Variants in ZNF385D observed in about 807,000 individuals in gnomAD.
ZNF385D encodes the protein zinc finger protein 385D.
A neutral mutation model predicts 35.8 loss-of-function variants in ZNF385D; 15 were observed. The ratio of observed to expected loss-of-function variants is 0.42; its 90% CI spans 0.28 to 0.64. ZNF385D has a LOEUF of 0.64. ZNF385D is among the 30% of genes least tolerant of loss of function. The pLI is 0.23. For synonymous variants in ZNF385D, 212 were observed against 186.8 expected (o/e 1.13, Z -1.10); for missense variants, 474 against 494.6 (o/e 0.96, Z 0.39).
chr3:22,187,253 CATTT>C (rs1461959507), intron 2 of ZNF385D, among the ~76,000 whole-genome samples: 1 of 152,148 alleles, frequency 6.6e-6, no homozygotes. Flanking sequence ...ACACTGCAGT[CATTT>C]ATTTAATCGA....
In ZNF385D at chr3:21,636,378, T is replaced by TTATATATATATATA. The variant is rs1183440640; in HGVS notation, c.165+28494_165+28507dup. Among the ~76,000 whole-genome samples the TTATATATATATATA allele has an allele frequency of 8.8e-4, 42 of 47,986 alleles. 1 individual carries two copies. Among genetic ancestry groups the TTATATATATATATA allele is most frequent in the African/African-American group, 3.1e-3 (34 of 11,110 alleles). 31.5% of individuals were successfully genotyped at this position (47,986 alleles called of 152,430 possible). ...ATTATATATGATTATATATATATGA[T>TTATATATATATATA]TATATATATATATATATATATATAT... On this transcript the variant is annotated intron_variant, in intron 2 of 7. Coordinates refer to ENST00000281523, the MANE Select transcript of ZNF385D (RefSeq NM_024697.3).
At chr3:21,931,850 T>C (rs1052085851) in intron 3 of ZNF385D, among the ~76,000 whole-genome samples, 8 of 152,024 alleles carry the variant, frequency 5.3e-5, no homozygotes, top group Non-Finnish European at 1.5e-5. Flanking sequence ...AAATTTCAAC[T>C]CAATAATGGT....
At chr3:21,702,025 T>G (rs1301030228) in intron 1 of ZNF385D, among the ~76,000 whole-genome samples, 2 of 152,128 alleles carry the variant, frequency 1.3e-5, no homozygotes, top group Non-Finnish European at 2.9e-5. Context: ...TATGCCATTC[T>G]CGGATCTGGA....
At chr3:22,312,519 T>C (rs1703620679) in intron 2 of ZNF385D, among the ~76,000 whole-genome samples, 1 of 151,856 alleles carries the variant, frequency 6.6e-6, no homozygotes, top group African/African-American at 2.4e-5. Flanking sequence ...AAAGGGCTAA[T>C]ATCCAGAATC....
At chr3:22,000,907 T>A (rs1369439427) in intron 3 of ZNF385D, among the ~76,000 whole-genome samples, 1 of 151,992 alleles carries the variant, frequency 6.6e-6, no homozygotes, top group Non-Finnish European at 1.5e-5. Flanking sequence ...AAGGGAGTTT[T>A]TTTTTTTCTA....
intron 3 of ZNF385D, among the ~76,000 whole-genome samples, chr3:22,131,779 C>G (rs62248882): frequency 0.21 from 31,326 of 151,980 alleles, 3,543 homozygotes; most frequent in Non-Finnish European, 0.27. Context: ...AGAGTTATCT[C>G]CTGAGAATAC....
At chr3:21,833,637 C>G (rs1298697600) in intron 3 of ZNF385D, among the ~76,000 whole-genome samples, 1 of 152,126 alleles carries the variant, frequency 6.6e-6, no homozygotes, top group East Asian at 1.9e-4. Context: ...TTAAGACGTT[C>G]ACTTTGGAAT....
intron 2 of ZNF385D, among the ~76,000 whole-genome samples, chr3:22,241,698 C>T (rs185890134): frequency 8.0e-5 from 12 of 150,804 alleles, no homozygotes; most frequent in South Asian, 6.5e-4. Flanking sequence ...GGCAAGAATG[C>T]TTGAATGCTT....
At chr3:21,569,921 C>T (rs1461117013) in intron 2 of ZNF385D, among the ~76,000 whole-genome samples, 3 of 23,666 alleles carry the variant, frequency 1.3e-4, no homozygotes, top group African/African-American at 2.4e-4. Context: ...GGTGGGGGGG[C>T]AGGGAGGGAT....
intron 2 of ZNF385D, among the ~76,000 whole-genome samples, chr3:22,357,139 G>T (rs1696191252): frequency 6.6e-6 from 1 of 151,898 alleles, no homozygotes; most frequent in Non-Finnish European, 1.5e-5. Flanking sequence ...TTAACACAAT[G>T]AAGCTTTCGG....
At chr3:21,511,478 G>C (rs1707194522) in intron 3 of ZNF385D, 1 of 351,768 alleles carries the variant, frequency 2.8e-6, no homozygotes, top group Non-Finnish European at 5.6e-6. Context: ...GTGTCTACAA[G>C]GAAAGGTTCA....
At chr3:21,984,499 G>A (rs1414415472) in intron 3 of ZNF385D, among the ~76,000 whole-genome samples, 1 of 132,048 alleles carries the variant, frequency 7.6e-6, no homozygotes, top group Admixed American at 7.2e-5. Context: ...TATTTCTGAG[G>A]GCTCTGTTCT....
chr3:22,208,312 T>C (rs910240964), intron 2 of ZNF385D, among the ~76,000 whole-genome samples: 1 of 151,896 alleles, frequency 6.6e-6, no homozygotes, highest in Non-Finnish European at 1.5e-5. Flanking sequence ...TGGAGGTCTT[T>C]ATGTTCAGTG....
intron 4 of ZNF385D, among the ~76,000 whole-genome samples, chr3:21,483,371 T>C (rs1704781656): frequency 6.6e-6 from 1 of 152,228 alleles, no homozygotes; most frequent in Non-Finnish European, 1.5e-5. Flanking sequence ...TCACAGTTTG[T>C]TAATCCACTT....
At chr3:21,656,484 G>A (rs1232091004) in intron 2 of ZNF385D, among the ~76,000 whole-genome samples, 1 of 151,814 alleles carries the variant, frequency 6.6e-6, no homozygotes, top group Non-Finnish European at 1.5e-5. Flanking sequence ...AAGTCTCTGT[G>A]TGCAAATTTT....
chr3:22,082,544 T>C (rs1271929247), intron 3 of ZNF385D, among the ~76,000 whole-genome samples: 2 of 152,036 alleles, frequency 1.3e-5, no homozygotes, highest in African/African-American at 4.8e-5. Flanking sequence ...AACAAAGTGG[T>C]TGGGAAGCTC....
intron 3 of ZNF385D, among the ~76,000 whole-genome samples, chr3:21,942,944 A>G (rs1463794737): frequency 6.6e-6 from 1 of 152,190 alleles, no homozygotes; most frequent in Admixed American, 6.5e-5. Context: ...TTGCCTTGTA[A>G]GATGTTATAA....
At chr3:22,295,977 A>C (rs1178117079) in intron 2 of ZNF385D, among the ~76,000 whole-genome samples, 2 of 152,168 alleles carry the variant, frequency 1.3e-5, no homozygotes, top group African/African-American at 4.8e-5. Flanking sequence ...GAAGAAAATA[A>C]ATAGGAAAGT....
intron 2 of ZNF385D, among the ~76,000 whole-genome samples, chr3:22,355,786 G>A (rs1338431450): frequency 1.3e-5 from 2 of 151,706 alleles, no homozygotes; most frequent in East Asian, 1.9e-4. Flanking sequence ...TTAACCCAAG[G>A]AATAATTAAA....
Sources: gnomAD v4.1 joint callset for allele counts (sites outside exome capture counted in the v4.1 genomes callset) on GRCh38, gnomAD v4.1.1 for gene constraint, MANE v1.5 for transcripts, NCBI Gene and HGNC (gene_info 2026-07-23, HGNC 2026-07-21) for gene names.